Variants in CCDC7 observed in about 807,000 individuals in gnomAD.
The protein encoded by CCDC7 is coiled-coil domain containing 7.
CCDC7 carries 183 observed loss-of-function variants against 196.9 expected under a neutral mutation model. The ratio of observed to expected loss-of-function variants is 0.93; its 90% confidence interval spans 0.82 to 1.05. The LOEUF (loss-of-function observed/expected upper bound fraction) is 1.05. Ranked by LOEUF, CCDC7 falls within the 50% of genes least tolerant of loss-of-function variation. CCDC7 has a pLI of 0.00. For missense variants in CCDC7, 1,540 were observed against 1,482.2 expected (o/e 1.04, Z -0.64); for synonymous variants, 525 against 484.6 (o/e 1.08, Z -1.10).
At chr10:32,460,759 A>G (rs2035457486) in intron 3 of CCDC7, among the ~76,000 whole-genome samples, 1 of 152,186 alleles carries the variant, frequency 6.6e-6, no homozygotes, top group Non-Finnish European at 1.5e-5. Context: ...AGTGATTCTC[A>G]GACTTTAGCA....
rs74721613 is a variant in CCDC7, at chr10:32,763,096, C to T, written c.2906-15881C>T. Among the ~76,000 whole-genome samples the T allele has an allele frequency of 8.0e-3, 1,212 of 151,894 alleles. 8 individuals carry two copies. The highest frequency in any genetic ancestry group is 0.027 in the Middle Eastern group (8 of 292). On this transcript the variant is annotated intron_variant, in intron 28 of 41. Coordinates refer to ENST00000639629, the Ensembl canonical transcript of CCDC7. ...AGCCAACAGATTCAGAGAAAACATT[C>T]GTGAATCATATATTGTTAGGTAAGC... is the stretch of plus-strand genomic sequence containing the variant.
intron 5 of CCDC7, among the ~76,000 whole-genome samples, chr10:32,468,957 A>G (rs1002314952): frequency 6.6e-6 from 1 of 152,264 alleles, no homozygotes; most frequent in African/African-American, 2.4e-5. Context: ...GGTGAGCTAC[A>G]CCAGAGAAAT....
chr10:32,746,752 C>A (rs945759505), intron 28 of CCDC7, among the ~76,000 whole-genome samples: 1 of 152,176 alleles, frequency 6.6e-6, no homozygotes, highest in Non-Finnish European at 1.5e-5. Context: ...GGGACCCCAC[C>A]AATGTGCACC....
intron 18 of CCDC7, among the ~76,000 whole-genome samples, chr10:32,585,292 C>T (rs1285003195): frequency 6.6e-6 from 1 of 152,188 alleles, no homozygotes; most frequent in African/African-American, 2.4e-5. Flanking sequence ...ACAGGATGGT[C>T]TCGATCTCCT....
chr10:32,793,574 T>A (rs1164649561), intron 29 of CCDC7, among the ~76,000 whole-genome samples: 1 of 152,226 alleles, frequency 6.6e-6, no homozygotes, highest in Non-Finnish European at 1.5e-5. Context: ...CCTTTATTAG[T>A]ACCACTTTTG....
intron 16 of CCDC7, among the ~76,000 whole-genome samples, chr10:32,582,492 CTG>C (rs2058844718): frequency 6.6e-6 from 1 of 152,096 alleles, no homozygotes; most frequent in African/African-American, 2.4e-5. Flanking sequence ...TGCATGCAAA[CTG>C]TGACACCTGG....
intron 31 of CCDC7, among the ~76,000 whole-genome samples, chr10:32,819,289 C>G (rs1468581746): frequency 6.6e-6 from 1 of 152,176 alleles, no homozygotes; most frequent in Non-Finnish European, 1.5e-5. Flanking sequence ...TCTGAATAGA[C>G]CAATAACAGG....
At chr10:32,713,700 C>T (rs1480190083) in intron 25 of CCDC7, among the ~76,000 whole-genome samples, 1 of 152,230 alleles carries the variant, frequency 6.6e-6, no homozygotes, top group Non-Finnish European at 1.5e-5. Context: ...TCCTTTGAGA[C>T]CCTGTTGTTT....
intron 8 of CCDC7, among the ~76,000 whole-genome samples, chr10:32,488,563 T>C (rs1366018091): frequency 6.6e-6 from 1 of 152,132 alleles, no homozygotes; most frequent in Non-Finnish European, 1.5e-5. Flanking sequence ...AAATCACCCG[T>C]CTTCTGCGTC....
intron 20 of CCDC7, among the ~76,000 whole-genome samples, chr10:32,640,129 T>C (rs2066455914): frequency 6.6e-6 from 1 of 152,156 alleles, no homozygotes. Flanking sequence ...CTGTCTAATG[T>C]TGACAGTGGG....
chr10:32,835,101 G>T (rs1009080305), intron 33 of CCDC7, among the ~76,000 whole-genome samples: 3 of 152,050 alleles, frequency 2.0e-5, no homozygotes, highest in African/African-American at 7.2e-5. Context: ...CTCATTTACT[G>T]GTAAAGTAAT....
At chr10:32,714,783 G>A (rs754513242) in intron 25 of CCDC7, among the ~76,000 whole-genome samples, 1 of 152,196 alleles carries the variant, frequency 6.6e-6, no homozygotes, top group Non-Finnish European at 1.5e-5. Context: ...CTGCTGGGAA[G>A]TTCGAATTCG....
chr10:32,801,343 C>T (rs771109668), intron 29 of CCDC7, among the ~76,000 whole-genome samples: 1 of 152,156 alleles, frequency 6.6e-6, no homozygotes, highest in African/African-American at 2.4e-5. Context: ...ATTTCCAGCT[C>T]GCTCACAGTG....
intron 37 of CCDC7, among the ~76,000 whole-genome samples, chr10:32,846,820 G>A (rs535186499): frequency 6.6e-6 from 1 of 152,306 alleles, no homozygotes; most frequent in Admixed American, 6.5e-5. Context: ...AGACTGCGAT[G>A]ACAAGAGGAG....
chr10:32,571,080 ACTGCAACCT>A (rs2057492727), intron 15 of CCDC7, among the ~76,000 whole-genome samples: 1 of 139,396 alleles, frequency 7.2e-6, no homozygotes, highest in African/African-American at 2.7e-5. Context: ...ATCTTGGCTC[ACTGCAACCT>A]CTGCCTCCTT....
intron 25 of CCDC7, among the ~76,000 whole-genome samples, chr10:32,721,435 G>T (rs190678881): frequency 1.3e-5 from 2 of 152,160 alleles, no homozygotes; most frequent in African/African-American, 4.8e-5. Flanking sequence ...AGGACTCAGG[G>T]TAAAGTTAGC....
At position 32,527,188 on chromosome 10, in the gene CCDC7, G is replaced by T. The variant is rs143815206; in HGVS notation, c.993+8683G>T. ...CATGGCTTTATTCTCTGCTGTGACA[G>T]GGCAGCGCTGGGTTCATTGTAAAGT... On this transcript the variant is annotated intron_variant, in intron 11 of 41. Transcript: ENST00000639629. Among the ~76,000 whole-genome samples, 118 of 152,222 alleles carry T rather than the reference G, an allele frequency of 7.8e-4. No individual in the cohort carries two copies. The Middle Eastern group carries it at 0.01, about 13-fold the overall frequency.
chr10:32,789,686 G>A (rs1056653031), intron 29 of CCDC7, among the ~76,000 whole-genome samples: 6 of 152,268 alleles, frequency 3.9e-5, no homozygotes, highest in African/African-American at 1.4e-4. Context: ...TTAATGTGTG[G>A]TGATTAGGCC....
At chr10:32,810,446 G>T (rs1378688438) in intron 30 of CCDC7, among the ~76,000 whole-genome samples, 1 of 152,012 alleles carries the variant, frequency 6.6e-6, no homozygotes, top group Non-Finnish European at 1.5e-5. Flanking sequence ...AATGATAAAA[G>T]GATCAATTCA....
Sources: allele counts gnomAD v4.1 joint callset (sites outside exome capture counted in the v4.1 genomes callset), GRCh38; gene constraint gnomAD v4.1.1; transcripts MANE v1.5; gene names NCBI Gene and HGNC (gene_info 2026-07-23, HGNC 2026-07-21).